The following CREBRF variants were observed in gnomAD, a reference collection of about 807,000 sequenced individuals.
CREBRF encodes the protein CREB3 regulatory factor, also known as UPF0474 protein C5orf41.
In CREBRF, 5 loss-of-function variants were observed where a neutral mutation model predicts 66.1. That is an observed-to-expected ratio of 0.08 (90% CI 0.04 to 0.16). The LOEUF (loss-of-function observed/expected upper bound fraction) is 0.16, where lower values mean the gene tolerates loss of function less well. Among genes scored for constraint, CREBRF ranks in the 10% least tolerant of loss-of-function variants. The pLI, the probability that CREBRF is intolerant of heterozygous loss-of-function variation, is 1.00. For missense variants in CREBRF, 531 were observed against 744.9 expected (o/e 0.71, Z 3.34); for synonymous variants, 229 against 264.4 (o/e 0.87, Z 1.30).
intron 4 of CREBRF, among the ~76,000 whole-genome samples, chr5:173,105,095 TAAC>T (rs1054501647): frequency 2.0e-5 from 3 of 152,178 alleles, no homozygotes; most frequent in African/African-American, 7.2e-5. Flanking sequence ...TAAATGGAGC[TAAC>T]AACCTCCTTC....
At chr5:173,105,225 ATGTGTGTGTG>A (rs34768667) in intron 4 of CREBRF, among the ~76,000 whole-genome samples, 22 of 146,652 alleles carry the variant, frequency 1.5e-4, no homozygotes, top group East Asian at 4.0e-4. Flanking sequence ...GTGTGTATAT[ATGTGTGTGTG>A]TGTGTGTGTG....
At chr5:173,097,958 T>G (rs7723908) in intron 4 of CREBRF, among the ~76,000 whole-genome samples, 4,534 of 152,114 alleles carry the variant, frequency 0.03, 216 homozygotes, top group African/African-American at 0.1. Flanking sequence ...AGGTGTAAAG[T>G]TTGGTTGTTT....
intron 4 of CREBRF, among the ~76,000 whole-genome samples, chr5:173,099,036 C>G (rs1181509409): frequency 6.6e-6 from 1 of 152,076 alleles, no homozygotes; most frequent in African/African-American, 2.4e-5. Context: ...TGTGCCACCT[C>G]TTGTGACAGT....
At chr5:173,091,680 A>G in intron 4 of CREBRF, 2 of 1,108,200 alleles carry the variant, frequency 1.8e-6, no homozygotes, top group Middle Eastern at 4.0e-4. Flanking sequence ...AGAGCTTGCC[A>G]CTGTGCCCAG....
At chr5:173,120,336 C>T (rs1194731504) in intron 7 of CREBRF, among the ~76,000 whole-genome samples, 1 of 151,566 alleles carries the variant, frequency 6.6e-6, no homozygotes, top group Non-Finnish European at 1.5e-5. Context: ...AAAAGCTATT[C>T]AGATGCTTTA....
chr5:173,100,771 C>T (rs1028549242), intron 4 of CREBRF, among the ~76,000 whole-genome samples: 5 of 152,194 alleles, frequency 3.3e-5, no homozygotes, highest in Admixed American at 2.0e-4. Flanking sequence ...TTCATTTCAA[C>T]TTGAAGAACT....
intron 7 of CREBRF, among the ~76,000 whole-genome samples, chr5:173,114,438 G>A (rs1014646804): frequency 3.3e-5 from 5 of 152,052 alleles, no homozygotes; most frequent in Non-Finnish European, 7.4e-5. Context: ...TTTGAGACTT[G>A]AGAACATAGG....
chr5:173,118,907 T>A (rs1489874703), intron 7 of CREBRF, among the ~76,000 whole-genome samples: 2 of 151,744 alleles, frequency 1.3e-5, no homozygotes, highest in African/African-American at 4.8e-5. Flanking sequence ...GAAAAAAAGA[T>A]TAAAAAAAAA....
At chr5:173,093,061 A>G (rs935005899) in intron 4 of CREBRF, among the ~76,000 whole-genome samples, 6 of 152,218 alleles carry the variant, frequency 3.9e-5, no homozygotes, top group East Asian at 1.9e-4. Context: ...AGTGCTCTTC[A>G]TAAGTGGTCC....
intron 2 of CREBRF, chr5:173,085,985 A>G: frequency 1.3e-6 from 2 of 1,510,766 alleles, no homozygotes; most frequent in South Asian, 1.1e-5. Context: ...GACTAGAAAT[A>G]CATCTGTTTG....
intron 7 of CREBRF, among the ~76,000 whole-genome samples, chr5:173,122,161 G>T (rs1464687924): frequency 6.6e-6 from 1 of 152,086 alleles, no homozygotes; most frequent in Non-Finnish European, 1.5e-5. Context: ...GAGTGCAGTG[G>T]CAAGATCTTG....
intron 2 of CREBRF, among the ~76,000 whole-genome samples, chr5:173,082,023 T>TTTTGTTTG (rs1246726714): frequency 1.5e-5 from 2 of 134,060 alleles, no homozygotes; most frequent in Admixed American, 7.4e-5. Flanking sequence ...TTTTTTTTTT[T>TTTTGTTTG]TTTTTTTTGA....
intron 7 of CREBRF, among the ~76,000 whole-genome samples, chr5:173,114,663 C>T (rs1328328144): frequency 3.3e-5 from 5 of 152,162 alleles, no homozygotes; most frequent in Admixed American, 3.3e-4. Context: ...GGACTAGCTT[C>T]AGGGGCCCAC....
At chr5:173,080,550 G>T in intron 1 of CREBRF, 35 bp from the exon 2 acceptor site, 1 of 535,594 alleles carries the variant, frequency 1.9e-6, no homozygotes, top group Non-Finnish European at 3.4e-6. Context: ...TGTTTTTCCT[G>T]GAATTCAGTG....
chr5:173,125,393 C>T (rs771274064), intron 8 of CREBRF, among the ~76,000 whole-genome samples: 1 of 152,028 alleles, frequency 6.6e-6, no homozygotes, highest in African/African-American at 2.4e-5. Flanking sequence ...ATGTATCGTG[C>T]CATTTTCTTT....
At chr5:173,112,238 C>T (rs56040814) in intron 6 of CREBRF, 68 bp from the exon 7 acceptor site, 22,237 of 1,162,232 alleles carry the variant, frequency 0.019, 557 homozygotes, top group African/African-American at 0.092. Flanking sequence ...ACCCCTTCTC[C>T]GTAATTAAAA....
At chr5:173,106,493 C>T (rs571329352) in intron 4 of CREBRF, among the ~76,000 whole-genome samples, 4 of 152,198 alleles carry the variant, frequency 2.6e-5, no homozygotes, top group South Asian at 4.2e-4. Context: ...TAAACTACCA[C>T]GTGTACACTA....
At chr5:173,109,119 T>A (rs1172435321) in intron 5 of CREBRF, 2 of 272,292 alleles carry the variant, frequency 7.3e-6, no homozygotes, top group Non-Finnish European at 1.4e-5. Flanking sequence ...TTCTGACCTG[T>A]CACAGTTGGT....
chr5:173,090,235 G>A lies in CREBRF; in HGVS notation c.136-80G>A. ...TAAAACAGACCAAAAGTCAAGTATT[G>A]ATTTATCAGTTTGACATATGGAGGT... On this transcript the variant is annotated intron_variant, in intron 3 of 8. Transcript: ENST00000296953. This position sits in a 1 kb window ranked among gnomAD's most constrained non-coding sequence, Gnocchi z 4.5. 2.6e-6 allele frequency: 3 copies of A among 1,168,410 alleles called. No individual in the cohort carries two copies. The highest frequency in any genetic ancestry group is 3.6e-6 in the Non-Finnish European group (3 of 828,514). The allele number at this position is 1,168,410 out of a possible 1,614,324, so 72.4% of individuals were successfully genotyped here.
Sources: gnomAD v4.1 joint callset for allele counts (sites outside exome capture counted in the v4.1 genomes callset) on GRCh38, gnomAD v4.1.1 for gene constraint, Gnocchi (gnomAD v3.1) non-coding constraint, MANE v1.5 for transcripts, NCBI Gene and HGNC (gene_info 2026-07-23, HGNC 2026-07-21) for gene names.